The following CCDC12 variants were observed in gnomAD, a reference collection of about 807,000 sequenced individuals.
CCDC12 encodes coiled-coil domain-containing protein 12.
CCDC12 carries 28 observed loss-of-function variants against 25.7 expected under a neutral mutation model. The ratio of observed to expected loss-of-function variants is 1.09; its 90% confidence interval spans 0.81 to 1.50. CCDC12 has a LOEUF of 1.50. Among genes scored for constraint, CCDC12 ranks in the 40% most tolerant of loss-of-function variants. The probability of loss-of-function intolerance (pLI) is 0.00; values close to 1 mark genes in which losing one functional copy is unlikely to be tolerated. For synonymous variants in CCDC12, 75 were observed against 87.7 expected (o/e 0.86, Z 0.81); for missense variants, 198 against 210.0 (o/e 0.94, Z 0.35).
At chr3:46,976,516 C>T (rs1459560012) in intron 1 of CCDC12, 121 bp downstream of exon 1, 4 of 1,448,388 alleles carry the variant, frequency 2.8e-6, no homozygotes, top group African/African-American at 1.4e-5. Context: ...CATGCGTTAG[C>T]GCCCGCGCAT....
intron 3 of CCDC12, 86 bp from the exon 4 acceptor site, chr3:46,923,754 A>G: frequency 8.5e-7 from 1 of 1,173,370 alleles, no homozygotes; most frequent in Non-Finnish European, 1.1e-6. Flanking sequence ...CCCCAGGGAG[A>G]GACGGGACCC....
chr3:46,927,023 C>T (rs2032990235), intron 2 of CCDC12, among the ~76,000 whole-genome samples: 1 of 152,216 alleles, frequency 6.6e-6, no homozygotes, highest in South Asian at 2.1e-4. Context: ...ATGCTATTCA[C>T]TCTCCTATTT....
intron 6 of CCDC12, 26 bp downstream of exon 6, chr3:46,922,210 C>G: frequency 6.2e-7 from 1 of 1,614,100 alleles, no homozygotes; most frequent in Non-Finnish European, 8.5e-7. Context: ...TGGGCAGGAC[C>G]CCACCTTCCC....
intron 2 of CCDC12, among the ~76,000 whole-genome samples, chr3:46,929,302 G>A (rs1176488958): frequency 6.6e-6 from 1 of 152,190 alleles, no homozygotes; most frequent in Admixed American, 6.5e-5. Context: ...AAATCCAAAA[G>A]GAGACAAGAA....
rs1246720653 is a variant in CCDC12 at position 46,925,515 on chromosome 3, T to C, written c.185A>G (p.Tyr62Cys). The C allele has an allele frequency of 3.8e-6, 6 of 1,592,862 alleles. No homozygotes were observed. Among genetic ancestry groups the C allele is most frequent in the Non-Finnish European group, 5.2e-6 (6 of 1,164,988 alleles). Residue 62 changes from tyrosine (Y) to cysteine (C), a missense_variant, in exon 3 of 7, where the codon TAT becomes TGT. Tyr to Cys is a radical substitution (Grantham distance 194, BLOSUM62 -2). Transcript: ENST00000683445. ...CTTCAGGTCCTCATCCTCCGGGACA[T>C]AGTTCCGCAGCCTAAGTTCCCTGCA... ...EKHRELRLRNYVPEDEDLKKR... is the reference protein window; with the variant it reads ...EKHRELRLRNCVPEDEDLKKR...
chr3:46,937,281 A>G (rs999265852), intron 2 of CCDC12, among the ~76,000 whole-genome samples: 29 of 152,168 alleles, frequency 1.9e-4, no homozygotes, highest in African/African-American at 6.7e-4. Flanking sequence ...TGCCACCCAA[A>G]CCCTACCATC....
chr3:46,969,811 G>C (rs377060375), intron 1 of CCDC12, among the ~76,000 whole-genome samples: 13 of 152,074 alleles, frequency 8.5e-5, no homozygotes, highest in African/African-American at 2.4e-4. Flanking sequence ...AAGTCCTCCA[G>C]AGATGCACCG....
intron 1 of CCDC12, among the ~76,000 whole-genome samples, chr3:46,966,598 A>G (rs2034649498): frequency 6.6e-6 from 1 of 152,178 alleles, no homozygotes; most frequent in South Asian, 2.1e-4. Flanking sequence ...CCTGAGCACT[A>G]GCAAGAAGGC....
intron 5 of CCDC12, 172 bp downstream of exon 5, chr3:46,923,157 A>T: frequency 1.6e-6 from 1 of 644,786 alleles, no homozygotes; most frequent in Non-Finnish European, 2.3e-6. Context: ...CTCTCATCCC[A>T]CCACTTATGT....
intron 1 of CCDC12, 136 bp downstream of exon 1, chr3:46,976,500 CT>C: frequency 7.0e-7 from 1 of 1,438,568 alleles, no homozygotes; most frequent in East Asian, 2.5e-5. Flanking sequence ...GCGCCGTCTT[CT>C]CGCGCATGCG....
intron 2 of CCDC12, among the ~76,000 whole-genome samples, chr3:46,939,928 C>A (rs767026419): frequency 6.6e-6 from 1 of 152,104 alleles, no homozygotes; most frequent in Non-Finnish European, 1.5e-5. Flanking sequence ...AAAGAGCATT[C>A]CCTCCCCTCC....
At chr3:46,930,813 C>A (rs1357892788) in intron 2 of CCDC12, among the ~76,000 whole-genome samples, 2 of 152,170 alleles carry the variant, frequency 1.3e-5, no homozygotes, top group Non-Finnish European at 2.9e-5. Context: ...CCCTGAGGCA[C>A]AGTAACCGCC....
At chr3:46,940,952 A>G (rs370693659) in intron 2 of CCDC12, 46 bp downstream of exon 2, 5 of 1,578,740 alleles carry the variant, frequency 3.2e-6, no homozygotes, top group African/African-American at 1.3e-5. Context: ...GAGACCGATG[A>G]GTGCTGGAGG....
intron 1 of CCDC12, among the ~76,000 whole-genome samples, chr3:46,951,779 CAAAAAAAAA>C (rs1198903085): frequency 7.3e-5 from 1 of 13,660 alleles, no homozygotes; most frequent in Non-Finnish European, 1.1e-4. Context: ...GACTCCGTCT[CAAAAAAAAA>C]AAAAAAAAAA....
intron 1 of CCDC12, among the ~76,000 whole-genome samples, chr3:46,974,872 T>C (rs1264262477): frequency 6.6e-6 from 1 of 152,186 alleles, no homozygotes; most frequent in Non-Finnish European, 1.5e-5. Context: ...GATTATCCCA[T>C]TAGATCTCAC....
chr3:46,951,535 C>CT (rs1484620824), intron 1 of CCDC12, among the ~76,000 whole-genome samples: 1 of 150,898 alleles, frequency 6.6e-6, no homozygotes, highest in African/African-American at 2.4e-5. Flanking sequence ...AATCCCAGCA[C>CT]TTTGGGAAGC....
At chr3:46,981,689 G>C (rs964218912), upstream of CCDC12, among the ~76,000 whole-genome samples, 1 of 152,154 alleles carries the variant, frequency 6.6e-6, no homozygotes, top group Non-Finnish European at 1.5e-5. Flanking sequence ...GCAGGCTCTA[G>C]GTGCATGGGC....
chr3:46,952,409 A>T (rs1005810196), intron 1 of CCDC12, among the ~76,000 whole-genome samples: 4 of 152,216 alleles, frequency 2.6e-5, no homozygotes, highest in Non-Finnish European at 5.9e-5. Context: ...GGAAATAAAC[A>T]GAAGCCCAGC....
chr3:46,979,996 C>T (rs1397861852), upstream of CCDC12: 1 of 164,046 alleles, frequency 6.1e-6, no homozygotes, highest in African/African-American at 2.7e-5. Flanking sequence ...ACCTGGCGCC[C>T]CGCGCCGCTG....
Sources: allele counts gnomAD v4.1 joint callset (sites outside exome capture counted in the v4.1 genomes callset), GRCh38; gene constraint gnomAD v4.1.1; transcripts MANE v1.5; gene names NCBI Gene and HGNC (gene_info 2026-07-23, HGNC 2026-07-21).